The following PARL variants were observed in gnomAD, a reference collection of about 807,000 sequenced individuals.
PARL encodes presenilin associated rhomboid like.
Under a neutral mutation model 51.6 loss-of-function variants are expected in PARL, and 44 were observed. That is an observed-to-expected ratio of 0.85 (90% confidence interval 0.67 to 1.10). The LOEUF is 1.10. PARL is among the 50% of genes least tolerant of loss of function. The probability of loss-of-function intolerance (pLI) is 0.00; values close to 1 mark genes in which losing one functional copy is unlikely to be tolerated. For synonymous variants in PARL, 172 were observed against 164.0 expected, an observed-to-expected ratio of 1.05 and a Z score of -0.37; for missense variants, 441 against 469.5, an observed-to-expected ratio of 0.94 and a Z score of 0.56.
chr3:183,874,243 C>G (rs1733536759), intron 1 of PARL, among the ~76,000 whole-genome samples: 1 of 152,030 alleles, frequency 6.6e-6, no homozygotes, highest in East Asian at 1.9e-4. Flanking sequence ...TAGGTTCTGA[C>G]TGCTCTACCA....
intron 3 of PARL, among the ~76,000 whole-genome samples, chr3:183,865,551 C>T (rs137891306): frequency 6.6e-6 from 1 of 152,214 alleles, no homozygotes; most frequent in African/African-American, 2.4e-5. Context: ...TGAATGCAAA[C>T]CCTACTGTGA....
intron 7 of PARL, among the ~76,000 whole-genome samples, chr3:183,835,072 A>G (rs1016393397): frequency 9.2e-5 from 14 of 151,462 alleles, no homozygotes; most frequent in African/African-American, 3.2e-4. Context: ...ACAAAACAAA[A>G]CAAACAAACA....
At chr3:183,851,160 A>G (rs1247801922) in intron 4 of PARL, among the ~76,000 whole-genome samples, 1 of 152,372 alleles carries the variant, frequency 6.6e-6, no homozygotes, top group East Asian at 1.9e-4. Flanking sequence ...CTCCGAATTA[A>G]TCAAATGCCT....
rs557130598 is a variant in PARL, at chr3:183,859,194, G to A, written c.511+3559C>T. 3.7e-3 allele frequency among the ~76,000 whole-genome samples: 563 copies of A among 152,016 alleles called. 3 individuals are homozygous for A. Among genetic ancestry groups the A allele is most frequent in the African/African-American group, 0.013 (547 of 41,520 alleles). ...TTATAGGCTGAGGAAGGAGAATGGCGTGAACCCAGGAGGCAGAGCTTGCCC... is the reference window on the plus strand; with the variant it reads ...TTATAGGCTGAGGAAGGAGAATGGCATGAACCCAGGAGGCAGAGCTTGCCC... On this transcript the variant is annotated intron_variant, in intron 4 of 9. Coordinates refer to ENST00000317096, the MANE Select transcript of PARL (RefSeq NM_018622.7).
intron 1 of PARL, chr3:183,879,683 A>AT (rs5855004): frequency 0.46 from 426,620 of 929,780 alleles, 100,088 homozygotes; most frequent in Middle Eastern, 0.56. Context: ...TATAAGGTAC[A>AT]TTTTCTCTTT....
At chr3:183,845,783 T>A (rs6443907) in intron 4 of PARL, among the ~76,000 whole-genome samples, 113,634 of 152,058 alleles carry the variant, frequency 0.75, 42,732 homozygotes, top group East Asian at 0.96. Context: ...CGTGTTGCTC[T>A]GGATTCCTTA....
In PARL at chr3:183,884,814, C is replaced by T; in HGVS notation, c.33G>A (p.Trp11Ter). 1 of 1,597,480 alleles carries T rather than the reference C, an allele frequency of 6.3e-7. No homozygotes were observed. The highest frequency in any genetic ancestry group is 1.3e-5 in the African/African-American group (1 of 74,932). Residue 11 changes from tryptophan (W) to a stop codon, truncating the protein, a stop_gained, in exon 1 of 10, where the codon TGG (tryptophan) becomes TGA (stop). Coordinates refer to ENST00000317096, the MANE Select transcript of PARL (RefSeq NM_018622.7). LOFTEE classifies it high-confidence loss of function. ...ACGCACCCCACGCCTGGCCGCAGCC[C>T]CAGCCTCTCTGCGCCCAGCCTCGCC... MAWRGWAQRG[W>*]GCGQAWGASV...
chr3:183,862,646 TA>T, intron 4 of PARL, 106 bp downstream of exon 4: 1 of 853,446 alleles, frequency 1.2e-6, no homozygotes. Context: ...GACTGTCTTC[TA>T]AACCACTGGT....
intron 3 of PARL, 100 bp downstream of exon 3, chr3:183,866,525 T>C: frequency 1.1e-6 from 1 of 903,502 alleles, no homozygotes; most frequent in Non-Finnish European, 1.8e-6. Context: ...TTACACATTA[T>C]GTGAATGCAT....
At chr3:183,878,105 T>C (rs1734052795) in intron 1 of PARL, among the ~76,000 whole-genome samples, 2 of 152,204 alleles carry the variant, frequency 1.3e-5, no homozygotes, top group African/African-American at 4.8e-5. Context: ...CCAGTACTCT[T>C]GACTGCTTAA....
chr3:183,866,555 T>C (rs895181672), intron 3 of PARL, 70 bp downstream of exon 3: 31 of 1,242,272 alleles, frequency 2.5e-5, no homozygotes, highest in Non-Finnish European at 3.6e-5. Flanking sequence ...TGAAAACACG[T>C]GCATCTATTA....
At chr3:183,829,846 C>G (rs776671591) in intron 9 of PARL, 137 bp from the exon 10 acceptor site, 4 of 761,454 alleles carry the variant, frequency 5.3e-6, no homozygotes, top group African/African-American at 5.1e-5. Context: ...TGACTCACAT[C>G]GAGAAATGGT....
intron 4 of PARL, 74 bp downstream of exon 4, chr3:183,862,679 G>C: frequency 8.9e-7 from 1 of 1,121,976 alleles, no homozygotes; most frequent in Non-Finnish European, 1.4e-6. Flanking sequence ...AAGAGCCATT[G>C]CTTGTGACAT....
chr3:183,853,388 CCCCATCT>C (rs1730769841), intron 4 of PARL, among the ~76,000 whole-genome samples: 1 of 152,078 alleles, frequency 6.6e-6, no homozygotes, highest in Non-Finnish European at 1.5e-5. Flanking sequence ...CATGGCGAAA[CCCCATCT>C]CTACTAAAAA....
chr3:183,862,123 A>G (rs1466815310), intron 4 of PARL, among the ~76,000 whole-genome samples: 1 of 152,242 alleles, frequency 6.6e-6, no homozygotes, highest in East Asian at 1.9e-4. Context: ...GAAATATTGC[A>G]GAGGTGTTAA....
At chr3:183,875,330 GC>G (rs1733668936) in intron 1 of PARL, among the ~76,000 whole-genome samples, 1 of 144,482 alleles carries the variant, frequency 6.9e-6, no homozygotes, top group South Asian at 2.1e-4. Flanking sequence ...CAGGAGAATC[GC>G]TTGAACCTGG....
At chr3:183,862,891 G>A (rs1732004100) in intron 3 of PARL, 90 bp from the exon 4 acceptor site, 1 of 982,280 alleles carries the variant, frequency 1.0e-6, no homozygotes, top group Admixed American at 1.7e-5. Flanking sequence ...GCACATAAGA[G>A]GAATTCCTCT....
At chr3:183,829,991 T>A (rs1727739628) in intron 9 of PARL, among the ~76,000 whole-genome samples, 1 of 152,132 alleles carries the variant, frequency 6.6e-6, no homozygotes, top group Non-Finnish European at 1.5e-5. Context: ...AGTTTTCCCA[T>A]CGCAGACATG....
chr3:183,875,432 AAAAAAATAGAG>A (rs1733689903), intron 1 of PARL, among the ~76,000 whole-genome samples: 1 of 151,090 alleles, frequency 6.6e-6, no homozygotes, highest in Non-Finnish European at 1.5e-5. Context: ...AAAAAAAAAA[AAAAAAATAGAG>A]TAAGAAAGCA....
Sources: gnomAD v4.1 joint callset for allele counts (sites outside exome capture counted in the v4.1 genomes callset) on GRCh38, gnomAD v4.1.1 for gene constraint, MANE v1.5 for transcripts, NCBI Gene and HGNC (gene_info 2026-07-23, HGNC 2026-07-21) for gene names.